PTPRD: variants seen among roughly 807,000 people sequenced by gnomAD.
The protein encoded by PTPRD is protein tyrosine phosphatase receptor type D, also known as receptor-type tyrosine-protein phosphatase delta.
A neutral mutation model predicts 214.5 loss-of-function variants in PTPRD; 34 were observed. The observed-to-expected ratio is 0.16, with a 90% CI of 0.12 to 0.21. PTPRD has a LOEUF of 0.21. Among genes scored for constraint, PTPRD ranks in the 10% least tolerant of loss-of-function variants. The pLI, the probability that PTPRD is intolerant of heterozygous loss-of-function variation, is 1.00. For missense variants in PTPRD, 2,545 were observed against 2,398.7 expected (o/e 1.06, Z -1.27); for synonymous variants, 1,128 against 845.7 (o/e 1.33, Z -5.79).
Position 9,111,252 on chromosome 9 carries a change from C to CTT in PTPRD, c.-143+72050_-143+72051dup, listed in dbSNP as rs35720054. ...AAAGTGTTCAAACCAGTGGAAATAC[C>CTT]TTTTTTTTTTTTTTTTGATAGCTTC... On this transcript the variant is annotated intron_variant, in intron 10 of 45. Transcript: ENST00000381196. Among the ~76,000 whole-genome samples the CTT allele has an allele frequency of 3.8e-3, 502 of 132,792 alleles. 2 individuals carry two copies. Among genetic ancestry groups the CTT allele is most frequent in the African/African-American group, 8.9e-3 (318 of 35,702 alleles). The allele number at this position is 132,792 out of a possible 152,430, so 87.1% of individuals were successfully genotyped here. A position where few individuals can be genotyped will look rare whatever the true frequency, so the allele number is the denominator to read the frequency against.
chr9:9,392,528 G>C (rs911498219), intron 9 of PTPRD, among the ~76,000 whole-genome samples: 1 of 152,164 alleles, frequency 6.6e-6, no homozygotes, highest in Non-Finnish European at 1.5e-5. Flanking sequence ...GTCCTTGCAA[G>C]AATGGGATCC....
intron 5 of PTPRD, among the ~76,000 whole-genome samples, chr9:9,800,261 G>A (rs895344229): frequency 1.3e-5 from 2 of 152,140 alleles, no homozygotes; most frequent in African/African-American, 4.8e-5. Context: ...CTTGAGTCAA[G>A]GAATTCCAGC....
At chr9:10,249,366 T>G (rs548743724) in intron 3 of PTPRD, among the ~76,000 whole-genome samples, 286 of 152,312 alleles carry the variant, frequency 1.9e-3, no homozygotes, top group African/African-American at 6.6e-3. Flanking sequence ...ATGTTAGTTC[T>G]CAGCGTCTCT....
At chr9:9,402,128 C>G (rs752941946) in intron 8 of PTPRD, among the ~76,000 whole-genome samples, 1 of 151,984 alleles carries the variant, frequency 6.6e-6, no homozygotes, top group Middle Eastern at 3.4e-3. Context: ...TGTAAACCGA[C>G]AGTAAACGAT....
intron 10 of PTPRD, among the ~76,000 whole-genome samples, chr9:9,073,112 G>A (rs2099746214): frequency 6.6e-6 from 1 of 152,158 alleles, no homozygotes; most frequent in African/African-American, 2.4e-5. Context: ...ACGAGAGAAT[G>A]TTGAGGGAAA....
chr9:10,548,878 T>C (rs1250861875), intron 2 of PTPRD, among the ~76,000 whole-genome samples: 1 of 152,202 alleles, frequency 6.6e-6, no homozygotes, highest in African/African-American at 2.4e-5. Flanking sequence ...AAATGATCTT[T>C]AGGACACTGT....
intron 10 of PTPRD, among the ~76,000 whole-genome samples, chr9:9,097,434 A>C (rs1453857028): frequency 6.8e-6 from 1 of 146,990 alleles, no homozygotes. Flanking sequence ...TTTGAGATGG[A>C]GTCTCGCTCT....
At chr9:9,850,480 AT>A (rs2060345276) in intron 5 of PTPRD, among the ~76,000 whole-genome samples, 2 of 152,284 alleles carry the variant, frequency 1.3e-5, no homozygotes, top group South Asian at 4.1e-4. Context: ...CATGTGATGA[AT>A]TTCAGATAAT....
intron 8 of PTPRD, among the ~76,000 whole-genome samples, chr9:9,560,742 A>G (rs1235476449): frequency 6.6e-6 from 1 of 152,168 alleles, no homozygotes; most frequent in Non-Finnish European, 1.5e-5. Context: ...GCAGGTGAAT[A>G]TGGCTTTATT....
intron 4 of PTPRD, among the ~76,000 whole-genome samples, chr9:9,961,211 C>G (rs1212300085): frequency 6.6e-6 from 1 of 151,906 alleles, no homozygotes; most frequent in Non-Finnish European, 1.5e-5. Flanking sequence ...CATACTCTTT[C>G]CTTTCAAGAA....
intron 7 of PTPRD, among the ~76,000 whole-genome samples, chr9:9,674,612 A>T (rs910286417): frequency 6.6e-6 from 1 of 151,786 alleles, no homozygotes; most frequent in Non-Finnish European, 1.5e-5. Context: ...ACAGGACAGC[A>T]AAAAATAAAC....
chr9:9,172,356 A>G (rs73403425), intron 10 of PTPRD, among the ~76,000 whole-genome samples: 11,607 of 152,196 alleles, frequency 0.076, 478 homozygotes, highest in Middle Eastern at 0.16. Flanking sequence ...GTAGCAAAGT[A>G]AAATGTTTGG....
chr9:10,139,759 C>T (rs918605889), intron 3 of PTPRD, among the ~76,000 whole-genome samples: 2 of 151,938 alleles, frequency 1.3e-5, no homozygotes, highest in Non-Finnish European at 2.9e-5. Context: ...ATCTGATCTT[C>T]AGGAAAGTGA....
intron 11 of PTPRD, among the ~76,000 whole-genome samples, chr9:8,990,485 G>A (rs537741168): frequency 1.8e-4 from 27 of 152,244 alleles, no homozygotes; most frequent in Admixed American, 3.3e-4. Context: ...GAAAGCCTCA[G>A]AAGTGGCCTC....
intron 11 of PTPRD, among the ~76,000 whole-genome samples, chr9:8,759,533 A>T (rs1360969333): frequency 1.3e-5 from 2 of 150,880 alleles, no homozygotes; most frequent in African/African-American, 4.9e-5. Flanking sequence ...AATTTTTCAA[A>T]TTTTTTACAC....
intron 11 of PTPRD, among the ~76,000 whole-genome samples, chr9:8,875,025 G>A (rs533890097): frequency 1.3e-5 from 2 of 152,184 alleles, no homozygotes; most frequent in African/African-American, 4.8e-5. Flanking sequence ...ATCAGTGGTA[G>A]AGTCTTCAAC....
At chr9:9,443,052 G>A (rs2088841636) in intron 8 of PTPRD, among the ~76,000 whole-genome samples, 1 of 152,034 alleles carries the variant, frequency 6.6e-6, no homozygotes. Flanking sequence ...TCCCCAAAAT[G>A]TGCCACAAGT....
At chr9:10,524,695 A>G (rs2053664573) in intron 2 of PTPRD, among the ~76,000 whole-genome samples, 1 of 152,098 alleles carries the variant, frequency 6.6e-6, no homozygotes, top group Admixed American at 6.6e-5. Context: ...TTTTCAGTTA[A>G]GAGGAGTGTT....
chr9:9,998,710 T>A (rs1463300559), intron 4 of PTPRD, among the ~76,000 whole-genome samples: 1 of 152,108 alleles, frequency 6.6e-6, no homozygotes, highest in East Asian at 1.9e-4. Context: ...TAAGCAGTAG[T>A]TGCTCTAAAT....
Sources: allele counts gnomAD v4.1 joint callset (sites outside exome capture counted in the v4.1 genomes callset), GRCh38; gene constraint gnomAD v4.1.1; transcripts MANE v1.5; gene names NCBI Gene and HGNC (gene_info 2026-07-23, HGNC 2026-07-21).